SYCP2: variants seen among roughly 807,000 people sequenced by gnomAD.
The protein encoded by SYCP2 is synaptonemal complex protein 2.
In SYCP2, 55 loss-of-function variants were observed where a neutral mutation model predicts 211.3. The ratio of observed to expected loss-of-function variants is 0.26; its 90% CI spans 0.21 to 0.33. The LOEUF (loss-of-function observed/expected upper bound fraction) is 0.33. Ranked by LOEUF, SYCP2 falls within the 10% of genes least tolerant of loss-of-function variation. SYCP2 has a pLI of 1.00. For synonymous variants in SYCP2, 570 were observed against 555.2 expected (o/e 1.03, Z -0.37); for missense variants, 1,731 against 1,752.0 (o/e 0.99, Z 0.21).
At position 59,874,030 on chromosome 20, in the gene SYCP2, A is replaced by G. The variant is rs368900729; in HGVS notation, c.3381T>C (p.Thr1127=). The change falls in exon 35 of 45, where the codon ACT becomes ACC. Residue 1127 remains threonine (T), a synonymous_variant. Transcript: ENST00000357552. The part of the protein sequence containing the change: ...CIEKITEKDF[T]QDYDCITKSI... The stretch of plus-strand genomic sequence containing the variant: ...ATTTTGTTATGCAGTCATAATCCTG[A>G]GTAAAATCCTTTTCTGTTATTTTCT... The G allele has an allele frequency of 5.6e-6, 9 of 1,604,408 alleles. No homozygotes were observed. In the African/African-American group the frequency reaches 1.1e-4, roughly 19 times the overall value.
intron 20 of SYCP2, among the ~76,000 whole-genome samples, chr20:59,895,088 GAA>G (rs1269526557): frequency 2.6e-5 from 4 of 152,036 alleles, no homozygotes; most frequent in African/African-American, 9.7e-5. Context: ...TAAATTTTGA[GAA>G]ACTTAAGGAC....
chr20:59,916,286 G>C (rs943614494), intron 8 of SYCP2, among the ~76,000 whole-genome samples, 200 bp downstream of exon 8: 1 of 151,948 alleles, frequency 6.6e-6, no homozygotes, highest in African/African-American at 2.4e-5. Flanking sequence ...ATTTCCACTT[G>C]AGCTATATGC....
At position 59,863,666 on chromosome 20, in the gene SYCP2, TA is replaced by T. The variant is rs1288342739; in HGVS notation, c.*644del. 1.3e-5 allele frequency: 2 copies of T among 152,008 alleles called. No individual in the cohort carries two copies. Among genetic ancestry groups the T allele is most frequent in the Non-Finnish European group, 2.9e-5 (2 of 67,916 alleles). The allele number at this position is 152,008 out of a possible 1,614,324, so 9.4% of individuals were successfully genotyped here. On this transcript the variant is annotated 3_prime_UTR_variant, in exon 45 of 45. Transcript: ENST00000357552. The stretch of plus-strand genomic sequence containing the variant: ...TTTATAAATTAATCTAGCAAGATAT[TA>T]CAATGACTACTAGATTAAAAGTATT...
In SYCP2 at chr20:59,868,924, T is replaced by C. The variant is rs2059399953; in HGVS notation, c.3743A>G (p.Glu1248Gly). ...GGATAATGAAGATGCTAAATGACTT[T>C]CCTAAAATACGTATTAGAAATTAGA... is the stretch of plus-strand genomic sequence containing the variant. ...NENYIQSKRE[E>G]SHLASSLSKS... is the part of the protein sequence containing the mutation. The change falls in exon 37 of 45, where the codon GAA (glutamate) becomes GGA (glycine). Residue 1248 changes from glutamate (E) to glycine (G), a missense_variant and splice_region_variant. Around this residue, in one of 3 missense-constraint regions of SYCP2, gnomAD observed 1,387 missense variants for 1,351.3 expected, o/e 1.03. Transcript: ENST00000357552. 1 of 1,599,722 alleles carries C rather than the reference T, an allele frequency of 6.3e-7. No homozygotes were observed. Among genetic ancestry groups the C allele is most frequent in the Admixed American group, 1.7e-5 (1 of 57,252 alleles).
chr20:59,900,065 T>C, intron 18 of SYCP2, 73 bp downstream of exon 18: 1 of 1,455,232 alleles, frequency 6.9e-7, no homozygotes, highest in Non-Finnish European at 9.6e-7. Context: ...TAGATGCTTC[T>C]TTCAGTACTC....
chr20:59,888,277 T>C (rs974099481), intron 24 of SYCP2, among the ~76,000 whole-genome samples: 1 of 152,004 alleles, frequency 6.6e-6, no homozygotes, highest in Non-Finnish European at 1.5e-5. Context: ...AATCAAATCC[T>C]ACAATGTATA....
intron 24 of SYCP2, among the ~76,000 whole-genome samples, chr20:59,889,359 C>A (rs2059859103): frequency 6.6e-6 from 1 of 151,908 alleles, no homozygotes; most frequent in Admixed American, 6.6e-5. Context: ...ACTTTCTACT[C>A]ATTTTTGGGA....
intron 35 of SYCP2, among the ~76,000 whole-genome samples, chr20:59,870,224 G>A (rs1232041154): frequency 1.3e-5 from 2 of 151,654 alleles, no homozygotes; most frequent in East Asian, 1.9e-4. Context: ...ATGCTCCAGA[G>A]GTCAAAGTCA....
At chr20:59,881,167 C>T (rs750674305) in intron 29 of SYCP2, 144 bp from the exon 30 acceptor site, 8 of 566,732 alleles carry the variant, frequency 1.4e-5, no homozygotes, top group Non-Finnish European at 2.5e-5. Flanking sequence ...CACTTATCCT[C>T]TCTGACCTCA....
rs547057125 is a variant in SYCP2 at position 59,883,334 on chromosome 20, G to C, written c.2530-1169C>G. 6.6e-5 allele frequency among the ~76,000 whole-genome samples: 10 copies of C among 152,208 alleles called. No homozygotes were observed. The East Asian group carries it at 1.9e-3, about 29-fold the overall frequency. On this transcript the variant is annotated intron_variant, in intron 26 of 44. Coordinates refer to ENST00000357552, the MANE Select transcript of SYCP2 (RefSeq NM_014258.4). ...ACTGCACTCCAGCCTGGGGGACAGA[G>C]CAAGACTCTGTCTCCAAACAAACAA...
chr20:59,874,582 T>C (rs984307924), intron 34 of SYCP2, among the ~76,000 whole-genome samples: 13 of 152,090 alleles, frequency 8.5e-5, no homozygotes, highest in Admixed American at 7.2e-4. Flanking sequence ...AATTTCATAG[T>C]GGTCCTTAGT....
At chr20:59,914,313 T>C (rs1451780592) in intron 10 of SYCP2, 62 bp from the exon 11 acceptor site, 6 of 976,866 alleles carry the variant, frequency 6.1e-6, no homozygotes, top group Middle Eastern at 3.0e-4. Context: ...TAAAAGACCA[T>C]ATATTTTACA....
chr20:59,869,981 G>A lies in SYCP2; in HGVS notation c.3558C>T (p.Pro1186=). Residue 1186 remains proline (P), a splice_region_variant and synonymous_variant, in exon 36 of 45, where the codon CCC becomes CCT. Coordinates refer to ENST00000357552, the MANE Select transcript of SYCP2 (RefSeq NM_014258.4). ...TATTACTCTTAGTTGGAGTATGTCT[G>A]GGCTATGAATGAAGACATACAAAAA... is the stretch of plus-strand genomic sequence containing the variant. The part of the protein sequence containing the change: ...CSPIPRPLFL[P]RHTPTKSNTI... 6.4e-7 allele frequency: 1 copy of A among 1,573,438 alleles called. No individual in the cohort carries two copies. Among genetic ancestry groups the A allele is most frequent in the Non-Finnish European group, 8.6e-7 (1 of 1,158,236 alleles).
At position 59,892,251 on chromosome 20, in the gene SYCP2, T is replaced by C. The variant is rs1240900353; in HGVS notation, c.2103A>G (p.Lys701=). The C allele has an allele frequency of 5.6e-6, 9 of 1,612,908 alleles. No individual in the cohort carries two copies. The highest frequency in any genetic ancestry group is 1.3e-5 in the African/African-American group (1 of 74,960). ...TTTCAGTATTTTTCTGCCCTGAATA[T>C]TTAGGATGATTTTGTTGCTGATTGT... ...KKHNQQQNHP[K]YSGQKNTENA... Residue 701 remains lysine (K), a synonymous_variant, in exon 24 of 45, where the codon AAA becomes AAG. Transcript: ENST00000357552.
chr20:59,908,695 C>T (rs983400463), intron 14 of SYCP2, among the ~76,000 whole-genome samples: 1 of 152,096 alleles, frequency 6.6e-6, no homozygotes, highest in Non-Finnish European at 1.5e-5. Flanking sequence ...ATTATAAACC[C>T]AAAATATGCC....
At chr20:59,881,845 C>T in intron 28 of SYCP2, 100 bp downstream of exon 28, 2 of 846,258 alleles carry the variant, frequency 2.4e-6, no homozygotes, top group South Asian at 1.9e-5. Context: ...AATTTTAAAG[C>T]ATATGAGGAT....
intron 31 of SYCP2, 136 bp downstream of exon 31, chr20:59,880,167 A>G (rs905212114): frequency 1.7e-5 from 11 of 654,888 alleles, no homozygotes; most frequent in Non-Finnish European, 2.7e-5. Context: ...AAACATAAAA[A>G]CTAGTGTTTT....
At chr20:59,893,503 A>G (rs939559802) in intron 21 of SYCP2, 21 bp downstream of exon 21, 5 of 1,537,824 alleles carry the variant, frequency 3.3e-6, no homozygotes, top group Non-Finnish European at 4.5e-6. Context: ...AAATGACTAA[A>G]TTAAACCACA....
intron 15 of SYCP2, 110 bp from the exon 16 acceptor site, chr20:59,901,920 C>A: frequency 1.2e-6 from 1 of 827,220 alleles, no homozygotes; most frequent in Non-Finnish European, 1.8e-6. Flanking sequence ...TTCAAATTCT[C>A]AATATTGAAC....
Sources: gnomAD v4.1 joint callset for allele counts (sites outside exome capture counted in the v4.1 genomes callset) on GRCh38, gnomAD v4.1.1 for gene constraint, gnomAD v4.1.1 regional missense constraint, MANE v1.5 for transcripts, NCBI Gene and HGNC (gene_info 2026-07-23, HGNC 2026-07-21) for gene names.